Variants in SLC5A4 observed in about 807,000 individuals in gnomAD.
SLC5A4 encodes solute carrier family 5 member 4.
A neutral mutation model predicts 70.3 loss-of-function variants in SLC5A4; 55 were observed. That is an observed-to-expected ratio of 0.78 (90% CI 0.63 to 0.98). SLC5A4 has a LOEUF of 0.98. SLC5A4 is among the 50% of genes least tolerant of loss of function. The pLI is 0.00. For synonymous variants in SLC5A4, 268 were observed against 305.7 expected (o/e 0.88, Z 1.29); for missense variants, 735 against 839.2 (o/e 0.88, Z 1.53).
chr22:32,339,457 G>T, the SLC5A4 span, among the ~76,000 whole-genome samples: 2 of 152,142 alleles, frequency 1.3e-5, no homozygotes, highest in African/African-American at 2.4e-5. Context: ...GCTCTGATTC[G>T]AAGACTACGC....
the SLC5A4 span, among the ~76,000 whole-genome samples, chr22:32,267,015 T>G: frequency 6.6e-6 from 1 of 152,246 alleles, no homozygotes; most frequent in Non-Finnish European, 1.5e-5. Context: ...TTTATTTTCA[T>G]GATCAAAAAC....
chr22:32,331,571 A>G, the SLC5A4 span, among the ~76,000 whole-genome samples: 8 of 152,160 alleles, frequency 5.3e-5, no homozygotes, highest in Admixed American at 5.2e-4. Flanking sequence ...CAACCCAGCT[A>G]TAGTAAAAGG....
intron 5 of SLC5A4, among the ~76,000 whole-genome samples, chr22:32,239,562 ATAT>A (rs1926343147): frequency 4.9e-5 from 1 of 20,518 alleles, no homozygotes; most frequent in Non-Finnish European, 9.6e-5. Flanking sequence ...ATATATATAT[ATAT>A]ATATTTATAT....
the SLC5A4 span, among the ~76,000 whole-genome samples, chr22:32,333,199 C>CCA: frequency 2.0e-5 from 3 of 147,598 alleles, no homozygotes; most frequent in African/African-American, 5.0e-5. Context: ...CACTGGCACC[C>CCA]CCCCCCCAGA....
the SLC5A4 span, among the ~76,000 whole-genome samples, chr22:32,333,717 C>T: frequency 2.6e-5 from 4 of 152,112 alleles, no homozygotes; most frequent in South Asian, 8.3e-4. Context: ...CTGCCCAGGA[C>T]AGTAAACATC....
chr22:32,224,592 G>C, intron 12 of SLC5A4, 110 bp from the exon 13 acceptor site: 2 of 824,220 alleles, frequency 2.4e-6, no homozygotes, highest in South Asian at 3.3e-5. Flanking sequence ...ACCAACAAAT[G>C]GCTAACCTTG....
chr22:32,305,332 A>G, the SLC5A4 span, among the ~76,000 whole-genome samples: 4 of 130,430 alleles, frequency 3.1e-5, 1 homozygote, highest in East Asian at 2.2e-4. Flanking sequence ...CCTGTCTCCT[A>G]ATCCTTGTGC....
intron 11 of SLC5A4, among the ~76,000 whole-genome samples, chr22:32,228,628 CTT>C (rs199722564): frequency 0.029 from 4,344 of 152,018 alleles, 90 homozygotes; most frequent in Middle Eastern, 0.044. Context: ...TTTTTTTCCT[CTT>C]GTTTCCCTCC....
chr22:32,285,829 C>T, the SLC5A4 span, among the ~76,000 whole-genome samples: 8 of 151,996 alleles, frequency 5.3e-5, no homozygotes, highest in East Asian at 3.9e-4. Flanking sequence ...CTCCGCCTCC[C>T]GGGTTCACGC....
chr22:32,224,881 G>A (rs1002148115), intron 12 of SLC5A4, among the ~76,000 whole-genome samples: 3 of 152,208 alleles, frequency 2.0e-5, no homozygotes, highest in African/African-American at 7.2e-5. Context: ...GTTCTATGAA[G>A]CTCTTGATAA....
At chr22:32,319,892 C>G in the SLC5A4 span, among the ~76,000 whole-genome samples, 314 of 152,210 alleles carry the variant, frequency 2.1e-3, 4 homozygotes, top group African/African-American at 7.1e-3. Context: ...GGGCCAATAA[C>G]GATGCCCAGC....
At chr22:32,288,782 G>A in the SLC5A4 span, among the ~76,000 whole-genome samples, 2 of 152,106 alleles carry the variant, frequency 1.3e-5, no homozygotes, top group African/African-American at 4.8e-5. Flanking sequence ...ATGACCTCAG[G>A]TGATCCGACC....
Position 32,229,363 on chromosome 22 carries a change from A to T in SLC5A4, c.1130-19T>A. ...CGCAGTCCTGGAGCCGGGAAAGGGT[A>T]CAAGCACTGGTTAGTGGCTGGACAC... On this transcript the variant is annotated intron_variant, in intron 10 of 14. Transcript: ENST00000266086. 6.2e-7 allele frequency: 1 copy of T among 1,612,554 alleles called. No homozygotes were observed. Among genetic ancestry groups the T allele is most frequent in the Non-Finnish European group, 8.5e-7 (1 of 1,178,780 alleles).
At chr22:32,288,261 C>T in the SLC5A4 span, among the ~76,000 whole-genome samples, 2 of 152,236 alleles carry the variant, frequency 1.3e-5, no homozygotes, top group African/African-American at 2.4e-5. Flanking sequence ...ACCAGAGGGG[C>T]GCACAGGAAG....
At chr22:32,258,321 A>G (rs1041664984), upstream of SLC5A4, among the ~76,000 whole-genome samples, 4 of 152,190 alleles carry the variant, frequency 2.6e-5, no homozygotes, top group African/African-American at 9.7e-5. Flanking sequence ...GGGACTTCCA[A>G]TGCTATGTTG....
At chr22:32,291,857 TAA>T in the SLC5A4 span, among the ~76,000 whole-genome samples, 67,859 of 142,310 alleles carry the variant, frequency 0.48, 16,568 homozygotes, top group Admixed American at 0.51. Flanking sequence ...TGTATATATA[TAA>T]TTTATTTTTC....
At chr22:32,260,441 TGGA>T in the SLC5A4 span, among the ~76,000 whole-genome samples, 1 of 150,072 alleles carries the variant, frequency 6.7e-6, no homozygotes, top group African/African-American at 2.5e-5. Context: ...GGAGAAACGG[TGGA>T]GGAGTGCTTC....
At chr22:32,274,267 C>G in the SLC5A4 span, among the ~76,000 whole-genome samples, 1 of 152,060 alleles carries the variant, frequency 6.6e-6, no homozygotes, top group African/African-American at 2.4e-5. Flanking sequence ...GTCTCGATCT[C>G]CTGACCTCGT....
At chr22:32,273,215 T>C in the SLC5A4 span, 1 of 348,042 alleles carries the variant, frequency 2.9e-6, no homozygotes, top group Non-Finnish European at 5.7e-6. Flanking sequence ...TGATACTATG[T>C]ATCAAGAATC....
Sources: allele counts gnomAD v4.1 joint callset (sites outside exome capture counted in the v4.1 genomes callset), GRCh38; gene constraint gnomAD v4.1.1; transcripts MANE v1.5; gene names NCBI Gene and HGNC (gene_info 2026-07-23, HGNC 2026-07-21).